SIAH3: variants seen among roughly 807,000 people sequenced by gnomAD.
SIAH3 encodes siah E3 ubiquitin protein ligase family member 3.
SIAH3 carries 9 observed loss-of-function variants against 12.6 expected under a neutral mutation model. The ratio of observed to expected loss-of-function variants is 0.72; its 90% CI spans 0.43 to 1.25. The LOEUF is 1.25. Ranked by LOEUF, SIAH3 falls within the 50% of genes most tolerant of loss-of-function variation. The pLI, the probability that SIAH3 is intolerant of heterozygous loss-of-function variation, is 0.00. For missense variants in SIAH3, 390 were observed against 365.4 expected (o/e 1.07, Z -0.55); for synonymous variants, 154 against 151.1 (o/e 1.02, Z -0.14).
At position 45,780,437 on chromosome 13, in the gene SIAH3, A is replaced by AT. The variant is rs112759077; in HGVS notation, c.*2945dup. 18,326 of 147,192 alleles carry AT rather than the reference A, an allele frequency of 0.12. 1,622 individuals carry two copies. The highest frequency in any genetic ancestry group is 0.25 in the African/African-American group (9,904 of 40,298). 9.1% of individuals were successfully genotyped at this position (147,192 alleles called of 1,614,324 possible). A position where few individuals can be genotyped will look rare whatever the true frequency, so the allele number is the denominator to read the frequency against. On this transcript the variant is annotated 3_prime_UTR_variant, in exon 2 of 2. Transcript: ENST00000400405. ...AGGCTTGTGTCACCATGCCCAGCTG[A>AT]TTTTTTTTTTTGTAGAAATGAAGTC...
chr13:45,791,631 C>T (rs189587792), intron 1 of SIAH3, among the ~76,000 whole-genome samples: 7 of 152,350 alleles, frequency 4.6e-5, no homozygotes, highest in Admixed American at 4.6e-4. Context: ...GAGGAGGGTA[C>T]TGACACGTGC....
chr13:45,841,148 G>T (rs747159781), intron 1 of SIAH3, among the ~76,000 whole-genome samples: 38 of 152,172 alleles, frequency 2.5e-4, no homozygotes, highest in Middle Eastern at 3.2e-3. Context: ...GTACACAGAG[G>T]GAACCCAGGG....
chr13:45,797,506 C>T (rs1950567292), intron 1 of SIAH3, among the ~76,000 whole-genome samples: 1 of 151,752 alleles, frequency 6.6e-6, no homozygotes, highest in African/African-American at 2.4e-5. Context: ...TTGTAGAAAT[C>T]TCTCACAACT....
At chr13:45,844,256 G>A (rs1005763013) in intron 1 of SIAH3, among the ~76,000 whole-genome samples, 1 of 152,214 alleles carries the variant, frequency 6.6e-6, no homozygotes, top group Non-Finnish European at 1.5e-5. Context: ...GATGTTTCCA[G>A]AGGAGGTTAG....
In SIAH3 at chr13:45,783,270, T is replaced by TAAAA. The variant is rs202034815; in HGVS notation, c.*109_*112dup. ...CAAAAAAATAATAATAATTAAAAAT[T>TAAAA]AAAAAAAAAAAAAAGAAAGGAGAAG... is the stretch of plus-strand genomic sequence containing the variant. On this transcript the variant is annotated 3_prime_UTR_variant, in exon 2 of 2. Coordinates refer to ENST00000400405, the MANE Select transcript of SIAH3 (RefSeq NM_198849.3). 7.6e-5 allele frequency: 43 copies of TAAAA among 568,856 alleles called. No homozygotes were observed. In the East Asian group the frequency reaches 9.0e-4, roughly 12 times the overall value. The allele number at this position is 568,856 out of a possible 1,614,324, so 35.2% of individuals were successfully genotyped here.
Position 45,780,232 on chromosome 13 carries a change from C to G in SIAH3, c.*3151G>C, listed in dbSNP as rs1005460337. On this transcript the variant is annotated 3_prime_UTR_variant, in exon 2 of 2. Transcript: ENST00000400405. ...ACTGAAGCCTCCATCTGCAGCCCAC[C>G]CACTTCCTGGGCCCCCTGCTTCCAG... 6.6e-6 allele frequency: 1 copy of G among 151,400 alleles called. No individual in the cohort carries two copies. Among genetic ancestry groups the G allele is most frequent in the African/African-American group, 2.4e-5 (1 of 41,148 alleles). The allele number at this position is 151,400 out of a possible 1,614,324, so 9.4% of individuals were successfully genotyped here.
intron 1 of SIAH3, among the ~76,000 whole-genome samples, chr13:45,850,141 A>C (rs890164154): frequency 6.6e-6 from 1 of 152,192 alleles, no homozygotes; most frequent in African/African-American, 2.4e-5. Flanking sequence ...CTGGGATATC[A>C]GAGAGAGTCA....
chr13:45,841,237 T>G (rs1950739024), intron 1 of SIAH3, among the ~76,000 whole-genome samples: 1 of 152,156 alleles, frequency 6.6e-6, no homozygotes, highest in Non-Finnish European at 1.5e-5. Flanking sequence ...GGCCATGAAG[T>G]CTGGTTATGA....
intron 1 of SIAH3, among the ~76,000 whole-genome samples, chr13:45,828,289 T>C (rs567585847): frequency 4.8e-4 from 73 of 152,218 alleles, no homozygotes; most frequent in Non-Finnish European, 9.1e-4. Flanking sequence ...CTGAAGTTCA[T>C]GGTCCTGATG....
Position 45,783,318 on chromosome 13 carries a change from T to C in SIAH3, c.*65A>G. On this transcript the variant is annotated 3_prime_UTR_variant, in exon 2 of 2. Coordinates refer to ENST00000400405, the MANE Select transcript of SIAH3 (RefSeq NM_198849.3). ...AAGAATAAAAAGGAGTCTGGAGTCCTGGTATTGGGAGGTCCCAGGCGTTTC... is the reference window on the plus strand; with the variant it reads ...AAGAATAAAAAGGAGTCTGGAGTCCCGGTATTGGGAGGTCCCAGGCGTTTC... The C allele has an allele frequency of 1.5e-6, 2 of 1,326,750 alleles. No individual in the cohort carries two copies. The highest frequency in any genetic ancestry group is 1.0e-6 in the Non-Finnish European group (1 of 966,412). 82.2% of individuals were successfully genotyped at this position (1,326,750 alleles called of 1,614,324 possible).
At chr13:45,809,995 T>C (rs1443579924) in intron 1 of SIAH3, among the ~76,000 whole-genome samples, 1 of 152,220 alleles carries the variant, frequency 6.6e-6, no homozygotes, top group Non-Finnish European at 1.5e-5. Flanking sequence ...GCTTGTCACG[T>C]TGCCATGGGC....
chr13:45,805,801 T>C (rs1021311892), intron 1 of SIAH3, among the ~76,000 whole-genome samples: 1 of 152,190 alleles, frequency 6.6e-6, no homozygotes, highest in African/African-American at 2.4e-5. Context: ...ATTTATAGAA[T>C]GGTAGAAAAT....
intron 1 of SIAH3, among the ~76,000 whole-genome samples, chr13:45,807,058 C>G (rs995509230): frequency 6.6e-6 from 1 of 151,926 alleles, no homozygotes; most frequent in African/African-American, 2.4e-5. Context: ...TTCACACTTT[C>G]AAATAAGAAG....
chr13:45,786,656 G>C (rs1384620575), intron 1 of SIAH3, among the ~76,000 whole-genome samples: 1 of 152,250 alleles, frequency 6.6e-6, no homozygotes, highest in Non-Finnish European at 1.5e-5. Context: ...GTTACCTCGA[G>C]AGGGCATTTC....
rs367894484 is a variant in SIAH3, at chr13:45,790,816, C to T, written c.136-6759G>A. ...ACAGGAATGCTGCCTCCCTACCTGA[C>T]TTGTGAAGTAGTTAAGCAGCAGTTA... On this transcript the variant is annotated intron_variant, in intron 1 of 1. Transcript: ENST00000400405. 1.9e-4 allele frequency among the ~76,000 whole-genome samples: 29 copies of T among 152,326 alleles called. No individual in the cohort carries two copies. The South Asian group carries it at 4.4e-3, about 23-fold the overall frequency.
intron 1 of SIAH3, among the ~76,000 whole-genome samples, chr13:45,849,716 G>A (rs938034984): frequency 6.6e-6 from 1 of 152,074 alleles, no homozygotes; most frequent in Non-Finnish European, 1.5e-5. Flanking sequence ...ATACACAAGT[G>A]GTTTCCCCTC....
In SIAH3 at chr13:45,831,179, A is replaced by AAAATAAAT. The variant is rs200362215; in HGVS notation, c.135+20308_135+20315dup. ...GGGTGACAGAGTGAGACTGTGCCTCAAAATAAATAAATAAATAAATAAATA... is the reference window on the plus strand; with the variant it reads ...GGGTGACAGAGTGAGACTGTGCCTCAAAATAAATAAATAAATAAATAAATAAATAAATA... On this transcript the variant is annotated intron_variant, in intron 1 of 1. Coordinates refer to ENST00000400405, the MANE Select transcript of SIAH3 (RefSeq NM_198849.3). 3.5e-3 allele frequency among the ~76,000 whole-genome samples: 494 copies of AAAATAAAT among 142,652 alleles called. 1 individual carries two copies. The highest frequency in any genetic ancestry group is 6.1e-3 in the African/African-American group (233 of 38,086). The allele number at this position is 142,652 out of a possible 152,430, so 93.6% of individuals were successfully genotyped here.
In SIAH3 at chr13:45,790,744, A is replaced by T. The variant is rs575719614; in HGVS notation, c.136-6687T>A. On this transcript the variant is annotated intron_variant, in intron 1 of 1. Coordinates refer to ENST00000400405, the MANE Select transcript of SIAH3 (RefSeq NM_198849.3). ...GTCCTTTATACCATTCAGGTGTGCCAGCCACTGTCCCACCTGGCATTGTCT... is the reference window on the plus strand; with the variant it reads ...GTCCTTTATACCATTCAGGTGTGCCTGCCACTGTCCCACCTGGCATTGTCT... Among the ~76,000 whole-genome samples the T allele has an allele frequency of 4.6e-5, 7 of 152,342 alleles. No individual in the cohort carries two copies. In the South Asian group the frequency reaches 1.2e-3, roughly 27 times the overall value.
intron 1 of SIAH3, among the ~76,000 whole-genome samples, chr13:45,796,338 G>A (rs9595383): frequency 0.29 from 44,572 of 151,892 alleles, 7,512 homozygotes; most frequent in Non-Finnish European, 0.39. Flanking sequence ...TTTCATGGGC[G>A]GGGGGGAGGC....
Sources: gnomAD v4.1 joint callset for allele counts (sites outside exome capture counted in the v4.1 genomes callset) on GRCh38, gnomAD v4.1.1 for gene constraint, MANE v1.5 for transcripts, NCBI Gene and HGNC (gene_info 2026-07-23, HGNC 2026-07-21) for gene names.